EPHA4: variants seen among roughly 807,000 people sequenced by gnomAD.
EPHA4 encodes ephrin type-A receptor 4.
Under a neutral mutation model 108.3 loss-of-function variants are expected in EPHA4, and 19 were observed. The ratio of observed to expected loss-of-function variants is 0.18; its 90% confidence interval spans 0.12 to 0.26. The LOEUF (loss-of-function observed/expected upper bound fraction) is 0.26, where lower values mean the gene tolerates loss of function less well. Ranked by LOEUF, EPHA4 falls within the 10% of genes least tolerant of loss-of-function variation. The pLI is 1.00. For missense variants in EPHA4, 917 were observed against 1,254.0 expected (o/e 0.73, Z 4.06); for synonymous variants, 449 against 455.5 (o/e 0.99, Z 0.18).
intron 13 of EPHA4, among the ~76,000 whole-genome samples, chr2:221,434,920 A>G (rs1053985598): frequency 6.6e-6 from 1 of 152,142 alleles, no homozygotes; most frequent in Non-Finnish European, 1.5e-5. Flanking sequence ...GACTTGTAAA[A>G]TGGTAAAGCA....
intron 4 of EPHA4, among the ~76,000 whole-genome samples, chr2:221,493,148 A>T (rs1692197872): frequency 6.6e-6 from 1 of 152,112 alleles, no homozygotes; most frequent in African/African-American, 2.4e-5. Context: ...TCACTGACCT[A>T]TTTCACAGAA....
At chr2:221,528,297 C>A (rs897458023) in intron 3 of EPHA4, among the ~76,000 whole-genome samples, 1 of 152,164 alleles carries the variant, frequency 6.6e-6, no homozygotes, top group South Asian at 2.1e-4. Flanking sequence ...CAAATACTAG[C>A]CTTGCTACGC....
intron 3 of EPHA4, among the ~76,000 whole-genome samples, chr2:221,539,604 TGGA>T (rs1342993332): frequency 6.6e-6 from 1 of 152,158 alleles, no homozygotes; most frequent in Non-Finnish European, 1.5e-5. Flanking sequence ...AGAAAGAGCT[TGGA>T]GACCTATCCT....
Position 221,482,517 on chromosome 2 carries a change from G to A in EPHA4, c.1153C>T (p.His385Tyr). 6.2e-7 allele frequency: 1 copy of A among 1,614,012 alleles called. No individual in the cohort carries two copies. Among genetic ancestry groups the A allele is most frequent in the South Asian group, 1.1e-5 (1 of 91,078 alleles). ...AAGCCATTCTGCTGTGGGGTGTAGTGGACCCCACTTCCACAGGGTCGGCAC... is the reference window on the plus strand; with the variant it reads ...AAGCCATTCTGCTGTGGGGTGTAGTAGACCCCACTTCCACAGGGTCGGCAC... The part of the protein sequence containing the change: ...SKCRPCGSGV[H>Y]YTPQQNGLKT... Residue 385 changes from histidine (H) to tyrosine (Y), a missense_variant, in exon 5 of 18, where the codon CAC (histidine) becomes TAC (tyrosine). Transcript: ENST00000281821.
chr2:221,445,667 T>C (rs1268399097), intron 9 of EPHA4, among the ~76,000 whole-genome samples: 1 of 152,068 alleles, frequency 6.6e-6, no homozygotes, highest in African/African-American at 2.4e-5. Context: ...TTTGACCTCT[T>C]TGGAACATCA....
intron 3 of EPHA4, among the ~76,000 whole-genome samples, chr2:221,556,581 G>A (rs1336638237): frequency 2.6e-5 from 4 of 150,954 alleles, no homozygotes; most frequent in African/African-American, 9.8e-5. Flanking sequence ...GATTACAGGC[G>A]TGAGCCACTG....
chr2:221,431,577 A>G (rs1690076131), intron 14 of EPHA4, among the ~76,000 whole-genome samples: 1 of 152,062 alleles, frequency 6.6e-6, no homozygotes, highest in South Asian at 2.1e-4. Flanking sequence ...ACCTTATTCT[A>G]TTTGTTTCTA....
In EPHA4 at chr2:221,455,684, C is replaced by T. The variant is rs367814287; in HGVS notation, c.1604-26G>A. 12 of 1,566,286 alleles carry T rather than the reference C, an allele frequency of 7.7e-6. No homozygotes were observed. In the Admixed American group the frequency reaches 8.4e-5, roughly 11 times the overall value. On this transcript the variant is annotated intron_variant, in intron 7 of 17. Coordinates refer to ENST00000281821, the MANE Select transcript of EPHA4 (RefSeq NM_004438.5). Reference sequence around the variant, plus strand: ...CTGGGAATGACAATTGCATAAGGGTCACCTTTGGGAAAGTCTTAGGAGGTA... The same window carrying T: ...CTGGGAATGACAATTGCATAAGGGTTACCTTTGGGAAAGTCTTAGGAGGTA...
intron 17 of EPHA4, among the ~76,000 whole-genome samples, chr2:221,424,423 A>C (rs1294545306): frequency 6.6e-6 from 1 of 152,104 alleles, no homozygotes; most frequent in Non-Finnish European, 1.5e-5. Flanking sequence ...AGGGGAAAGA[A>C]AGGTCGTTAA....
rs1275730747 is a variant in EPHA4, at chr2:221,564,575, A to G, written c.160-181T>C. ...AGATAAGACAATATTTTATTGAGGA[A>G]GTTTTTTTTTTGTTTGTTTAATTGT... On this transcript the variant is annotated intron_variant, in intron 2 of 17. Coordinates refer to ENST00000281821, the MANE Select transcript of EPHA4 (RefSeq NM_004438.5). 6.2e-5 allele frequency among the ~76,000 whole-genome samples: 9 copies of G among 146,280 alleles called. No individual in the cohort carries two copies. In the South Asian group the frequency reaches 1.3e-3, roughly 22 times the overall value.
In EPHA4 at chr2:221,501,750, C is replaced by T. The variant is rs80114986; in HGVS notation, c.824-578G>A. Among the ~76,000 whole-genome samples the T allele has an allele frequency of 3.8e-3, 573 of 152,172 alleles. 3 individuals are homozygous for T. Among genetic ancestry groups the T allele is most frequent in the African/African-American group, 0.013 (552 of 41,496 alleles). ...AAAAAACCGGGTGGTGATTATTTCC[C>T]AATTACAACTACAGAAAGAACCAAA... On this transcript the variant is annotated intron_variant, in intron 3 of 17. Coordinates refer to ENST00000281821, the MANE Select transcript of EPHA4 (RefSeq NM_004438.5).
intron 3 of EPHA4, among the ~76,000 whole-genome samples, chr2:221,550,798 C>CA (rs780530363): frequency 6.8e-6 from 1 of 148,094 alleles, no homozygotes; most frequent in Non-Finnish European, 1.5e-5. Flanking sequence ...TCTAATAAGG[C>CA]TTTTTTTTTT....
At chr2:221,438,551 G>T (rs1690319015) in intron 11 of EPHA4, among the ~76,000 whole-genome samples, 1 of 152,152 alleles carries the variant, frequency 6.6e-6, no homozygotes, top group Admixed American at 6.5e-5. Context: ...ACTTTGGGAG[G>T]CCGAGGCAGG....
intron 4 of EPHA4, among the ~76,000 whole-genome samples, chr2:221,484,416 C>G (rs1691919633): frequency 6.6e-6 from 1 of 152,162 alleles, no homozygotes; most frequent in Non-Finnish European, 1.5e-5. Context: ...TACCAACAAC[C>G]TCTTTAAGCA....
chr2:221,553,758 T>C (rs1400611582), intron 3 of EPHA4, among the ~76,000 whole-genome samples: 1 of 152,210 alleles, frequency 6.6e-6, no homozygotes, highest in Non-Finnish European at 1.5e-5. Context: ...AGCTGAACAG[T>C]ATGAAAAAAA....
intron 3 of EPHA4, among the ~76,000 whole-genome samples, chr2:221,547,809 A>C (rs1694043708): frequency 6.6e-6 from 1 of 152,160 alleles, no homozygotes; most frequent in Non-Finnish European, 1.5e-5. Flanking sequence ...AAACACATCC[A>C]TCATTTCGTG....
intron 13 of EPHA4, 33 bp downstream of exon 13, chr2:221,436,366 A>G: frequency 1.3e-6 from 2 of 1,588,322 alleles, no homozygotes; most frequent in Non-Finnish European, 1.7e-6. Flanking sequence ...GTTTCACCAG[A>G]GTGAAAGCCC....
chr2:221,453,375 C>T (rs1361873551), intron 8 of EPHA4, among the ~76,000 whole-genome samples: 2 of 151,996 alleles, frequency 1.3e-5, no homozygotes. Context: ...CATATAATTC[C>T]TATACACTCC....
intron 1 of EPHA4, among the ~76,000 whole-genome samples, chr2:221,570,572 C>A (rs1266651739): frequency 6.6e-6 from 1 of 152,164 alleles, no homozygotes; most frequent in Non-Finnish European, 1.5e-5. Context: ...CCCCTTTCCT[C>A]CCAAGCGATG....
Sources: gnomAD v4.1 joint callset for allele counts (sites outside exome capture counted in the v4.1 genomes callset) on GRCh38, gnomAD v4.1.1 for gene constraint, MANE v1.5 for transcripts, NCBI Gene and HGNC (gene_info 2026-07-23, HGNC 2026-07-21) for gene names.